RLF: variants seen among roughly 807,000 people sequenced by gnomAD.
The protein encoded by RLF is zinc finger protein Rlf.
In RLF, 7 loss-of-function variants were observed where a neutral mutation model predicts 162.9. The ratio of observed to expected loss-of-function variants is 0.04; its 90% CI spans 0.02 to 0.08. The LOEUF is 0.08. RLF is among the 10% of genes least tolerant of loss of function. The pLI is 1.00. For missense variants in RLF, 1,664 were observed against 2,244.7 expected (o/e 0.74, Z 5.23); for synonymous variants, 782 against 791.5 (o/e 0.99, Z 0.20).
chr1:40,221,899 C>CAAAAAAAAA lies in RLF; in HGVS notation c.811-664_811-656dup, dbSNP rs895455745. Among the ~76,000 whole-genome samples the CAAAAAAAAA allele has an allele frequency of 5.9e-3, 381 of 64,986 alleles. 26 individuals carry two copies. The highest frequency in any genetic ancestry group is 0.016 in the Admixed American group (87 of 5,404). 42.6% of individuals were successfully genotyped at this position (64,986 alleles called of 152,430 possible). ...TGGGCGACACAGCGAGACTCCGTCT[C>CAAAAAAAAA]AAAAAAAAAAAAAAAAAAAGAGAAA... On this transcript the variant is annotated intron_variant, in intron 5 of 7. Transcript: ENST00000372771.
intron 6 of RLF, among the ~76,000 whole-genome samples, chr1:40,229,246 A>G (rs974081829): frequency 5.3e-5 from 8 of 152,202 alleles, no homozygotes; most frequent in African/African-American, 1.9e-4. Context: ...ATCTGAATAA[A>G]GCAATTGTGT....
chr1:40,210,535 C>A (rs1375465160), intron 5 of RLF, among the ~76,000 whole-genome samples: 2 of 152,172 alleles, frequency 1.3e-5, no homozygotes, highest in Non-Finnish European at 2.9e-5. Context: ...AAAAGAAGGG[C>A]TTGGAAACTC....
At position 40,236,899 on chromosome 1, in the gene RLF, G is replaced by A; in HGVS notation, c.2197G>A (p.Glu733Lys). The change falls in exon 8 of 8, where the codon GAA becomes AAA. Residue 733 changes from glutamate to lysine, a missense_variant. Glu to Lys is a moderately conservative substitution (Grantham distance 56, BLOSUM62 1). Around this residue, in one of 15 missense-constraint regions of RLF, gnomAD observed 69 missense variants for 206.4 expected, o/e 0.33. Coordinates refer to ENST00000372771, the MANE Select transcript of RLF (RefSeq NM_012421.4). The surrounding 1 kb of genome is among the most constrained non-coding windows in gnomAD (Gnocchi z 7.7). ...FMSAFHLREH[E>K]QVHCGPQPYM... ...GTCTGCTTTTCACCTTCGAGAGCAC[G>A]AACAAGTGCATTGTGGGCCTCAGCC... 6.2e-7 allele frequency: 1 copy of A among 1,614,164 alleles called. No homozygotes were observed. Among genetic ancestry groups the A allele is most frequent in the African/African-American group, 1.3e-5 (1 of 75,054 alleles).
At chr1:40,235,198 A>T (rs527796531) in intron 7 of RLF, among the ~76,000 whole-genome samples, 51 of 151,282 alleles carry the variant, frequency 3.4e-4, no homozygotes, top group Middle Eastern at 3.4e-3. Flanking sequence ...AGTAGCTGGG[A>T]TTACAGGCAT....
At chr1:40,192,410 A>G (rs1642571066) in intron 3 of RLF, among the ~76,000 whole-genome samples, 1 of 152,212 alleles carries the variant, frequency 6.6e-6, no homozygotes, top group East Asian at 1.9e-4. Flanking sequence ...TAATCTGAAA[A>G]TCCGAAATGC....
intron 7 of RLF, among the ~76,000 whole-genome samples, chr1:40,231,903 G>A (rs1001272282): frequency 1.1e-4 from 17 of 152,096 alleles, no homozygotes; most frequent in African/African-American, 4.1e-4. Context: ...TGTGTCTCCT[G>A]TCACGTTAAG....
intron 1 of RLF, among the ~76,000 whole-genome samples, chr1:40,178,448 TA>T (rs1642356720): frequency 6.6e-6 from 1 of 152,122 alleles, no homozygotes; most frequent in African/African-American, 2.4e-5. Context: ...TTCAGCTTTG[TA>T]AGATGACAGG....
At chr1:40,190,130 C>G (rs768821129) in intron 2 of RLF, among the ~76,000 whole-genome samples, 1 of 151,826 alleles carries the variant, frequency 6.6e-6, no homozygotes, top group Non-Finnish European at 1.5e-5. Context: ...TATTGTAATC[C>G]CTAAGGGGTA....
In RLF at chr1:40,239,755, C is replaced by G. The variant is rs34141181; in HGVS notation, c.5053C>G (p.Gln1685Glu). The G allele has an allele frequency of 0.048, 76,787 of 1,614,030 alleles. 2,333 individuals are homozygous for G. The highest frequency in any genetic ancestry group is 0.12 in the South Asian group (10,826 of 91,072). Residue 1685 changes from glutamine (Q) to glutamate (E), a missense_variant, in exon 8 of 8, where the codon CAG (glutamine) becomes GAG (glutamate). By Grantham distance (29) the Gln-to-Glu change is conservative. Around this residue, in one of 15 missense-constraint regions of RLF, gnomAD observed 327 missense variants for 342.7 expected, o/e 0.95. Transcript: ENST00000372771. ...NHSSKTTSLE[Q>E]CNIVQPPPPC... ...TAGTTCCAAAACCACTTCCCTAGAA[C>G]AGTGTAATATAGTTCAGCCTCCTCC...
chr1:40,195,290 A>C lies in RLF; in HGVS notation c.475-342A>C, dbSNP rs572609788. ...ATGGTGAAACCCTGTCTCTACTAAA[A>C]ATACAAAAATTAGCTGGGCGCGGTG... On this transcript the variant is annotated intron_variant, in intron 3 of 7. Coordinates refer to ENST00000372771, the MANE Select transcript of RLF (RefSeq NM_012421.4). Among the ~76,000 whole-genome samples the C allele has an allele frequency of 3.3e-5, 5 of 152,074 alleles. No homozygotes were observed. In the East Asian group the frequency reaches 9.8e-4, roughly 30 times the overall value.
intron 6 of RLF, among the ~76,000 whole-genome samples, chr1:40,229,116 T>TAC (rs1363486052): frequency 6.6e-6 from 1 of 152,256 alleles, no homozygotes; most frequent in Non-Finnish European, 1.5e-5. Flanking sequence ...TGACATCATT[T>TAC]ACTCATTTAT....
rs57391266 is a variant in RLF at position 40,178,632 on chromosome 1, G to GTTT, written c.238-10409_238-10407dup. ...GCTGTCTTTGGTGTTTTTTTTTTTT[G>GTTT]TTTTTTTTTTTTTTTTGGAGAGATG... On this transcript the variant is annotated intron_variant, in intron 1 of 7. Transcript: ENST00000372771. 2.1e-3 allele frequency among the ~76,000 whole-genome samples: 183 copies of GTTT among 88,428 alleles called. 1 individual carries two copies. The highest frequency in any genetic ancestry group is 6.7e-3 in the African/African-American group (171 of 25,404). 58.0% of individuals were successfully genotyped at this position (88,428 alleles called of 152,430 possible).
At chr1:40,179,046 G>A (rs1291245075) in intron 1 of RLF, among the ~76,000 whole-genome samples, 1 of 152,054 alleles carries the variant, frequency 6.6e-6, no homozygotes, top group Non-Finnish European at 1.5e-5. Context: ...TGTTGGCCAG[G>A]CTGGTCTGGA....
chr1:40,202,480 A>G lies in RLF; in HGVS notation c.676A>G (p.Asn226Asp), dbSNP rs745979218. 11 of 1,587,660 alleles carry G rather than the reference A, an allele frequency of 6.9e-6. No homozygotes were observed. Among genetic ancestry groups the G allele is most frequent in the South Asian group, 1.2e-5 (1 of 85,276 alleles). Reference protein sequence around the residue: ...QMRIKHLLKSNCIPQATALSK... With the variant: ...QMRIKHLLKSDCIPQATALSK... ...GCGAATAAAACATTTGTTGAAATCT[A>G]ACTGCATCCCCCAGGCTACTGCTTT... Residue 226 changes from asparagine to aspartate, a missense_variant, in exon 5 of 8, where the codon AAC becomes GAC. This residue lies in a region of RLF where 287 missense variants were observed against 404.9 expected (regional missense o/e 0.71). Transcript: ENST00000372771.
rs1156538715 is a variant in RLF, at chr1:40,238,951, G to C, written c.4249G>C (p.Val1417Leu). 2 of 1,614,150 alleles carry C rather than the reference G, an allele frequency of 1.2e-6. No individual in the cohort carries two copies. The highest frequency in any genetic ancestry group is 1.7e-6 in the Non-Finnish European group (2 of 1,180,004). Residue 1417 changes from valine (V) to leucine (L), a missense_variant, in exon 8 of 8, where the codon GTT becomes CTT. By Grantham distance (32) the Val-to-Leu change is conservative. Coordinates refer to ENST00000372771, the MANE Select transcript of RLF (RefSeq NM_012421.4). This position sits in a 1 kb window ranked among gnomAD's most constrained non-coding sequence, Gnocchi z 5.2. Reference protein sequence around the residue: ...FSCNQPQCPAVFYTFNKLKHH... With the variant: ...FSCNQPQCPALFYTFNKLKHH... ...TTGTAACCAGCCTCAGTGCCCTGCTGTTTTTTATACATTCAACAAGTTGAA... is the reference window on the plus strand; with the variant it reads ...TTGTAACCAGCCTCAGTGCCCTGCTCTTTTTTATACATTCAACAAGTTGAA...
intron 7 of RLF, among the ~76,000 whole-genome samples, chr1:40,233,761 G>A (rs1643183131): frequency 6.6e-6 from 1 of 152,198 alleles, no homozygotes; most frequent in African/African-American, 2.4e-5. Flanking sequence ...CTGAAAGGTA[G>A]GGAGTTATCT....
chr1:40,169,622 C>CAAAA (rs886534976), intron 1 of RLF, among the ~76,000 whole-genome samples: 6 of 46,812 alleles, frequency 1.3e-4, no homozygotes, highest in African/African-American at 1.7e-4. Context: ...GACTCCGTCT[C>CAAAA]AAAAAAAAAA....
In RLF at chr1:40,228,581, CAA is replaced by C. The variant is rs202055225; in HGVS notation, c.948-2922_948-2921del. 1.0e-4 allele frequency among the ~76,000 whole-genome samples: 14 copies of C among 135,538 alleles called. 1 individual carries two copies. The highest frequency in any genetic ancestry group is 4.3e-4 in the East Asian group (2 of 4,638). 88.9% of individuals were successfully genotyped at this position (135,538 alleles called of 152,430 possible). ...CTGGGCGACAGCGTGGACTCCATCT[CAA>C]AAAAAAAAAAAAATTATTTGAGACA... On this transcript the variant is annotated intron_variant, in intron 6 of 7. Transcript: ENST00000372771.
At chr1:40,197,648 G>C (rs1373414249) in intron 4 of RLF, among the ~76,000 whole-genome samples, 1 of 152,072 alleles carries the variant, frequency 6.6e-6, no homozygotes, top group Non-Finnish European at 1.5e-5. Flanking sequence ...AACATTCTTG[G>C]TATCCTGTTT....
Sources: gnomAD v4.1 joint callset for allele counts (sites outside exome capture counted in the v4.1 genomes callset) on GRCh38, gnomAD v4.1.1 for gene constraint, gnomAD v4.1.1 regional missense constraint, Gnocchi (gnomAD v3.1) non-coding constraint, MANE v1.5 for transcripts, NCBI Gene and HGNC (gene_info 2026-07-23, HGNC 2026-07-21) for gene names.